Variants in CEP44 observed in about 807,000 individuals in gnomAD.
The protein encoded by CEP44 is centrosomal protein of 44 kDa.
In CEP44, 45 loss-of-function variants were observed where a neutral mutation model predicts 46.7. The ratio of observed to expected loss-of-function variants is 0.96; its 90% CI spans 0.76 to 1.24. The LOEUF is 1.24. CEP44 is among the 50% of genes most tolerant of loss of function. CEP44 has a pLI of 0.00. For missense variants in CEP44, 475 were observed against 459.7 expected (o/e 1.03, Z -0.30); for synonymous variants, 142 against 146.0 (o/e 0.97, Z 0.20).
chr4:174,315,061 A>G (rs1741504599), intron 9 of CEP44, among the ~76,000 whole-genome samples: 3 of 152,172 alleles, frequency 2.0e-5, no homozygotes, highest in Admixed American at 2.0e-4. Context: ...GAGCTGAGGG[A>G]TGGAGCAAAT....
In CEP44 at chr4:174,326,996, A is replaced by G. The variant is rs1200644390; in HGVS notation, c.1087-4486A>G. Among the ~76,000 whole-genome samples the G allele has an allele frequency of 6.6e-6, 1 of 151,856 alleles. No individual in the cohort carries two copies. Among genetic ancestry groups the G allele is most frequent in the African/African-American group, 2.4e-5 (1 of 41,406 alleles). On this transcript the variant is annotated intron_variant, in intron 8 of 8. Transcript: ENST00000426172. This position sits in a 1 kb window ranked among gnomAD's most constrained non-coding sequence, Gnocchi z 4.8. ...CTATGTAGAAAAACCAAAATAAACT[A>G]CAGACAGTTTTTTAGAATTAATAGA... is the stretch of plus-strand genomic sequence containing the variant.
In CEP44 at chr4:174,331,496, G is replaced by A; in HGVS notation, c.1101G>A (p.Trp367Ter). The A allele has an allele frequency of 6.4e-7, 1 of 1,551,312 alleles. No individual in the cohort carries two copies. ...TTCCTTTCTAGAATTTTCCTGCATG[G>A]AGTGCTACATCCTCTTGTTCCAGTC... Residue 367 changes from tryptophan to a stop codon, truncating the protein, a stop_gained, in exon 9 of 9, where the codon TGG becomes TGA. Transcript: ENST00000426172. LOFTEE classifies it low-confidence loss of function (END_TRUNC). The surrounding 1 kb of genome is among the most constrained non-coding windows in gnomAD (Gnocchi z 4.5).
Position 174,310,117 on chromosome 4 carries a change from G to T in CEP44, c.885+61G>T. On this transcript the variant is annotated intron_variant, in intron 8 of 11. Coordinates refer to ENST00000503780, the MANE Select transcript of CEP44 (RefSeq NM_001040157.3). The surrounding 1 kb of genome is among the most constrained non-coding windows in gnomAD (Gnocchi z 4.2). ...GATATAACAAAGTTTTTTTTTGATT[G>T]TTATATGTGTATTTTTTTGGAAATG... The T allele has an allele frequency of 6.9e-7, 1 of 1,449,698 alleles. No homozygotes were observed. Among genetic ancestry groups the T allele is most frequent in the Non-Finnish European group, 9.3e-7 (1 of 1,073,322 alleles). 89.8% of individuals were successfully genotyped at this position (1,449,698 alleles called of 1,614,324 possible). A position where few individuals can be genotyped will look rare whatever the true frequency, so the allele number is the denominator to read the frequency against.
At chr4:174,304,993 G>A (rs965778678) in intron 6 of CEP44, among the ~76,000 whole-genome samples, 3 of 152,182 alleles carry the variant, frequency 2.0e-5, no homozygotes, top group Admixed American at 6.5e-5. Flanking sequence ...ATTTTCAGCT[G>A]TCTTCCAGCT....
chr4:174,293,824 A>G (rs1300739255), intron 1 of CEP44, among the ~76,000 whole-genome samples: 1 of 152,102 alleles, frequency 6.6e-6, no homozygotes, highest in Non-Finnish European at 1.5e-5. Context: ...CTTCTGGAAC[A>G]CTGTTGAATA....
Position 174,317,348 on chromosome 4 carries a change from G to C in CEP44, c.1138G>C (p.Ala380Pro). 1.4e-6 allele frequency: 2 copies of C among 1,389,546 alleles called. No homozygotes were observed. Among genetic ancestry groups the C allele is most frequent in the Non-Finnish European group, 1.9e-6 (2 of 1,040,020 alleles). 86.1% of individuals were successfully genotyped at this position (1,389,546 alleles called of 1,614,324 possible). A position where few individuals can be genotyped will look rare whatever the true frequency, so the allele number is the denominator to read the frequency against. ...ATTATATTTCAGGTTTGAAGAAACT[G>C]CAGAGTTACTGAAATGTCCAAATCA... ...ERMKKMFEET[A>P]ELLKCPNHYL Residue 380 changes from alanine to proline, a missense_variant, in exon 12 of 12, where the codon GCA (alanine) becomes CCA (proline). Coordinates refer to ENST00000503780, the MANE Select transcript of CEP44 (RefSeq NM_001040157.3).
intron 9 of CEP44, among the ~76,000 whole-genome samples, chr4:174,313,065 G>A (rs1451828964): frequency 6.6e-6 from 1 of 152,072 alleles, no homozygotes; most frequent in Admixed American, 6.6e-5. Context: ...GCAATTTGAT[G>A]ATTGATGGTA....
At chr4:174,295,100 C>T (rs530275113) in intron 1 of CEP44, among the ~76,000 whole-genome samples, 5 of 151,446 alleles carry the variant, frequency 3.3e-5, no homozygotes, top group Middle Eastern at 3.4e-3. Flanking sequence ...ACCTCCCTCC[C>T]GGACGGGGCG....
At chr4:174,304,532 GAA>G (rs1164226663) in intron 6 of CEP44, among the ~76,000 whole-genome samples, 163 bp downstream of exon 6, 1 of 152,198 alleles carries the variant, frequency 6.6e-6, no homozygotes, top group Non-Finnish European at 1.5e-5. Flanking sequence ...CAGTATGCCT[GAA>G]GTTATAACAA....
At chr4:174,328,751 G>T (rs1286314297) in intron 8 of CEP44, among the ~76,000 whole-genome samples, 3 of 152,078 alleles carry the variant, frequency 2.0e-5, no homozygotes, top group African/African-American at 4.8e-5. Context: ...ATATATAAAA[G>T]ATATTGTTAA....
intron 3 of CEP44, among the ~76,000 whole-genome samples, chr4:174,300,449 G>T (rs1739584090): frequency 6.6e-6 from 1 of 151,930 alleles, no homozygotes; most frequent in Non-Finnish European, 1.5e-5. Flanking sequence ...TCTTCTCCTT[G>T]CCACTTTAAG....
chr4:174,318,885 C>T lies in CEP44; in HGVS notation c.*1502C>T. On this transcript the variant is annotated 3_prime_UTR_variant, in exon 12 of 12. Coordinates refer to ENST00000503780, the MANE Select transcript of CEP44 (RefSeq NM_001040157.3). ...AGTGCACTGGCGTGATCTCGGCTCA[C>T]TGCACCTTCTGCCTACCGAGTTCAA... The T allele has an allele frequency of 3.3e-6, 1 of 306,150 alleles. No individual in the cohort carries two copies. Among genetic ancestry groups the T allele is most frequent in the Non-Finnish European group, 4.8e-6 (1 of 209,966 alleles). 19.0% of individuals were successfully genotyped at this position (306,150 alleles called of 1,614,324 possible). A position where few individuals can be genotyped will look rare whatever the true frequency, so the allele number is the denominator to read the frequency against.
Position 174,319,414 on chromosome 4 carries a change from T to G in CEP44, c.*2031T>G. ...TTACCTTTTGTTAAAACAAGTGATT[T>G]CCCATCAAACAGGATAATATTTTTT... On this transcript the variant is annotated 3_prime_UTR_variant, in exon 12 of 12. Coordinates refer to ENST00000503780, the MANE Select transcript of CEP44 (RefSeq NM_001040157.3). 1 of 984,022 alleles carries G rather than the reference T, an allele frequency of 1.0e-6. No individual in the cohort carries two copies. The highest frequency in any genetic ancestry group is 1.2e-6 in the Non-Finnish European group (1 of 828,666). The allele number at this position is 984,022 out of a possible 1,614,324, so 61.0% of individuals were successfully genotyped here. A position where few individuals can be genotyped will look rare whatever the true frequency, so the allele number is the denominator to read the frequency against.
At position 174,312,866 on chromosome 4, in the gene CEP44, A is replaced by G. The variant is rs1205774522; in HGVS notation, c.961+2008A>G. On this transcript the variant is annotated intron_variant, in intron 9 of 11. Transcript: ENST00000503780. The surrounding 1 kb of genome is among the most constrained non-coding windows in gnomAD (Gnocchi z 4.5). ...GGTTTAGGATCATATTAAATCAGGAATAGTTTTTGTGAGGTTCCAGATTTG... is the reference window on the plus strand; with the variant it reads ...GGTTTAGGATCATATTAAATCAGGAGTAGTTTTTGTGAGGTTCCAGATTTG... 6.6e-6 allele frequency among the ~76,000 whole-genome samples: 1 copy of G among 152,192 alleles called. No homozygotes were observed. Among genetic ancestry groups the G allele is most frequent in the Non-Finnish European group, 1.5e-5 (1 of 68,034 alleles).
At chr4:174,323,264 G>C (rs1461576866), downstream of CEP44, among the ~76,000 whole-genome samples, 5 of 152,156 alleles carry the variant, frequency 3.3e-5, no homozygotes, top group Admixed American at 3.3e-4. Context: ...CAGCTGCCCT[G>C]AGAGATTGTT....
chr4:174,294,183 C>G (rs1738564718), intron 1 of CEP44, among the ~76,000 whole-genome samples: 1 of 150,958 alleles, frequency 6.6e-6, no homozygotes, highest in African/African-American at 2.4e-5. Context: ...ATGCAGAGGA[C>G]CCTGCGGCCT....
chr4:174,283,734 G>A (rs73011413), upstream of CEP44: 261 of 397,464 alleles, frequency 6.6e-4, 1 homozygote, highest in African/African-American at 4.6e-3. The surrounding 1 kb of genome is among the most constrained non-coding windows in gnomAD (Gnocchi z 6.7). Context: ...TTTACGATTC[G>A]CTATAGATTC....
At chr4:174,285,572 A>G (rs1401913914) in intron 1 of CEP44, 1 of 152,212 alleles carries the variant, frequency 6.6e-6, no homozygotes, top group Non-Finnish European at 1.5e-5. Context: ...AGAAAAAGGA[A>G]AGGTGAGAAG....
chr4:174,293,162 G>A (rs976410264), intron 1 of CEP44, among the ~76,000 whole-genome samples: 1 of 152,138 alleles, frequency 6.6e-6, no homozygotes, highest in African/African-American at 2.4e-5. Flanking sequence ...GCTTGGGTGG[G>A]TGTGGTTCCT....
Sources: gnomAD v4.1 joint callset for allele counts (sites outside exome capture counted in the v4.1 genomes callset) on GRCh38, gnomAD v4.1.1 for gene constraint, Gnocchi (gnomAD v3.1) non-coding constraint, MANE v1.5 for transcripts, NCBI Gene and HGNC (gene_info 2026-07-23, HGNC 2026-07-21) for gene names.